Variants in FBN2 observed in about 807,000 individuals in gnomAD.
The protein encoded by FBN2 is fibrillin 2.
FBN2 carries 105 observed loss-of-function variants against 355.6 expected under a neutral mutation model. The ratio of observed to expected loss-of-function variants is 0.30; its 90% confidence interval spans 0.25 to 0.35. FBN2 has a LOEUF of 0.35. Among genes scored for constraint, FBN2 ranks in the 10% least tolerant of loss-of-function variants. The probability of loss-of-function intolerance (pLI) is 1.00; values close to 1 mark genes in which losing one functional copy is unlikely to be tolerated. For missense variants in FBN2, 3,280 were observed against 3,758.7 expected (o/e 0.87, Z 3.33); for synonymous variants, 1,350 against 1,301.2 (o/e 1.04, Z -0.81).
In FBN2 at chr5:128,374,645, T is replaced by C. The variant is rs1752033309; in HGVS notation, c.2078A>G (p.Asp693Gly). 6.2e-7 allele frequency: 1 copy of C among 1,613,976 alleles called. No individual in the cohort carries two copies. The highest frequency in any genetic ancestry group is 8.5e-7 in the Non-Finnish European group (1 of 1,179,918). ...TCACTTACCAACACACACACGTCCA[T>C]CCATGCCCACAGCCAGGCCTGGGGG... ...DCPPGLAVGM[D>G]GRVCVDTHMR... Residue 693 changes from aspartate to glycine, a missense_variant, in exon 15 of 65, where the codon GAT (aspartate) becomes GGT (glycine). Asp to Gly is a moderately conservative substitution (Grantham distance 94). Around this residue, in one of 6 missense-constraint regions of FBN2, gnomAD observed 2,284 missense variants for 2,749.5 expected, o/e 0.83. Transcript: ENST00000262464.
intron 5 of FBN2, among the ~76,000 whole-genome samples, chr5:128,481,425 T>C (rs1755184712): frequency 6.6e-6 from 1 of 152,166 alleles, no homozygotes; most frequent in African/African-American, 2.4e-5. Flanking sequence ...AGACTATGCG[T>C]CATGCCACTG....
At chr5:128,371,730 A>C (rs1170839662) in intron 15 of FBN2, among the ~76,000 whole-genome samples, 1 of 152,000 alleles carries the variant, frequency 6.6e-6, no homozygotes, top group Non-Finnish European at 1.5e-5. Context: ...ATGGGGTTTA[A>C]CCATGTTGAC....
intron 50 of FBN2, among the ~76,000 whole-genome samples, chr5:128,290,343 C>T (rs1009670063): frequency 6.6e-6 from 1 of 152,164 alleles, no homozygotes; most frequent in Non-Finnish European, 1.5e-5. Context: ...TGTGCTGACT[C>T]AGCTTCTCAG....
At chr5:128,315,874 C>T (rs1750187414) in intron 36 of FBN2, among the ~76,000 whole-genome samples, 1 of 152,142 alleles carries the variant, frequency 6.6e-6, no homozygotes, top group Admixed American at 6.5e-5. Context: ...CTTGCTGATT[C>T]TGAAGTTTGA....
intron 32 of FBN2, among the ~76,000 whole-genome samples, 177 bp from the exon 33 acceptor site, chr5:128,330,872 A>G (rs1241627288): frequency 6.6e-6 from 1 of 152,234 alleles, no homozygotes; most frequent in East Asian, 1.9e-4. Flanking sequence ...CAGGCTATAA[A>G]TGTGGGCCAA....
At chr5:128,338,481 C>A (rs1750906508) in intron 26 of FBN2, among the ~76,000 whole-genome samples, 1 of 152,078 alleles carries the variant, frequency 6.6e-6, no homozygotes, top group Admixed American at 6.5e-5. Context: ...GACTTATAAC[C>A]TACTATATCC....
intron 11 of FBN2, among the ~76,000 whole-genome samples, chr5:128,389,873 T>A (rs982914814): frequency 2.0e-5 from 3 of 152,184 alleles, no homozygotes; most frequent in African/African-American, 7.2e-5. Context: ...GTCTGTGTGC[T>A]CCTTCCATAC....
At chr5:128,517,100 A>C (rs541611780) in intron 5 of FBN2, among the ~76,000 whole-genome samples, 1 of 152,342 alleles carries the variant, frequency 6.6e-6, no homozygotes, top group East Asian at 1.9e-4. Flanking sequence ...GCTACTGTAC[A>C]TGTAAAATAT....
intron 47 of FBN2, 47 bp from the exon 48 acceptor site, chr5:128,300,983 G>T: frequency 6.4e-7 from 1 of 1,562,952 alleles, no homozygotes; most frequent in Non-Finnish European, 8.8e-7. Flanking sequence ...TGAGATAATT[G>T]TTACATAGAT....
chr5:128,493,753 A>T (rs1755573669), intron 5 of FBN2, among the ~76,000 whole-genome samples: 1 of 152,208 alleles, frequency 6.6e-6, no homozygotes, highest in South Asian at 2.1e-4. Flanking sequence ...AAAAGACCTC[A>T]ACTAGGGCTA....
intron 8 of FBN2, among the ~76,000 whole-genome samples, chr5:128,397,518 T>C (rs1345179468): frequency 6.6e-6 from 1 of 152,198 alleles, no homozygotes. Flanking sequence ...ATTGTTCGAT[T>C]TTCAACCGTA....
At chr5:128,384,141 A>T (rs1404583574) in intron 11 of FBN2, among the ~76,000 whole-genome samples, 1 of 152,186 alleles carries the variant, frequency 6.6e-6, no homozygotes, top group East Asian at 1.9e-4. Flanking sequence ...CACAACACAG[A>T]AGAATCACAG....
chr5:128,395,137 G>A lies in FBN2; in HGVS notation c.1216C>T (p.Pro406Ser), dbSNP rs747944073. Residue 406 changes from proline (P) to serine (S), a missense_variant, in exon 9 of 65, where the codon CCT (proline) becomes TCT (serine). Coordinates refer to ENST00000262464, the MANE Select transcript of FBN2 (RefSeq NM_001999.4). ...AGCCACGTACCAGAACCTCTGACAG[G>A]ACAGGCTTCAGGAATGGTTCCGATG... The part of the protein sequence containing the change: ...WGIGTIPEAC[P>S]VRGSEEYRRL... 1.7e-5 allele frequency: 27 copies of A among 1,613,978 alleles called. No individual in the cohort carries two copies. In the East Asian group the frequency reaches 4.2e-4, roughly 25 times the overall value.
intron 6 of FBN2, 114 bp from the exon 7 acceptor site, chr5:128,446,720 AAG>A (rs1754074810): frequency 1.8e-6 from 2 of 1,132,030 alleles, no homozygotes; most frequent in Admixed American, 1.9e-5. Flanking sequence ...AGTTTTTCTC[AAG>A]AGAGTGGGGT....
At chr5:128,286,617 A>C in intron 55 of FBN2, 101 bp downstream of exon 55, 1 of 1,400,040 alleles carries the variant, frequency 7.1e-7, no homozygotes, top group Non-Finnish European at 1.0e-6. Context: ...ACACAGCTGG[A>C]AAAAGAGTTG....
rs183463342 is a variant in FBN2, at chr5:128,468,689, C to T, written c.629-3768G>A. 2.5e-3 allele frequency among the ~76,000 whole-genome samples: 377 copies of T among 152,196 alleles called. 1 individual carries two copies. The highest frequency in any genetic ancestry group is 4.1e-3 in the Non-Finnish European group (279 of 67,982). ...ATTTTACATTAAATAAACACATTTG[C>T]TTGGGAATTTTGCTGTAATTTCACA... On this transcript the variant is annotated intron_variant, in intron 5 of 64. Transcript: ENST00000262464.
At chr5:128,306,459 A>G (rs1338565746) in intron 42 of FBN2, among the ~76,000 whole-genome samples, 1 of 152,080 alleles carries the variant, frequency 6.6e-6, no homozygotes, top group Non-Finnish European at 1.5e-5. Context: ...CATCTCTACT[A>G]AAAATACAAA....
At chr5:128,358,809 T>A (rs1018449346) in intron 19 of FBN2, among the ~76,000 whole-genome samples, 33 of 152,126 alleles carry the variant, frequency 2.2e-4, no homozygotes, top group African/African-American at 7.2e-4. Flanking sequence ...GTAAGAAGCC[T>A]GAAAAAAGAA....
At chr5:128,488,049 C>T (rs929529252) in intron 5 of FBN2, among the ~76,000 whole-genome samples, 2 of 152,130 alleles carry the variant, frequency 1.3e-5, no homozygotes. Flanking sequence ...TCATAAAGAA[C>T]ACATATACTA....
Sources: gnomAD v4.1 joint callset for allele counts (sites outside exome capture counted in the v4.1 genomes callset) on GRCh38, gnomAD v4.1.1 for gene constraint, gnomAD v4.1.1 regional missense constraint, MANE v1.5 for transcripts, NCBI Gene and HGNC (gene_info 2026-07-23, HGNC 2026-07-21) for gene names.